Variants in NCAM1 observed in about 807,000 individuals in gnomAD.
NCAM1 encodes antigen recognized by monoclonal antibody 5.1H11.
In NCAM1, 14 loss-of-function variants were observed where a neutral mutation model predicts 109.8. The ratio of observed to expected loss-of-function variants is 0.13; its 90% CI spans 0.08 to 0.20. The LOEUF (loss-of-function observed/expected upper bound fraction) is 0.20. Ranked by LOEUF, NCAM1 falls within the 10% of genes least tolerant of loss-of-function variation. The probability of loss-of-function intolerance (pLI) is 1.00; values close to 1 mark genes in which losing one functional copy is unlikely to be tolerated. For synonymous variants in NCAM1, 418 were observed against 442.9 expected (o/e 0.94, Z 0.70); for missense variants, 774 against 1,109.9 (o/e 0.70, Z 4.30).
intron 1 of NCAM1, among the ~76,000 whole-genome samples, chr11:113,177,839 G>A (rs778723634): frequency 6.6e-6 from 1 of 152,002 alleles, no homozygotes; most frequent in Admixed American, 6.5e-5. Flanking sequence ...CCAGCACTCC[G>A]TTTCTGCTTT....
At chr11:113,231,819 C>G (rs781936879) in intron 10 of NCAM1, 24 bp downstream of exon 10, 48 of 1,613,416 alleles carry the variant, frequency 3.0e-5, no homozygotes, top group Admixed American at 2.2e-4. Context: ...GGGGAAGGAC[C>G]TGGGGGAGGG....
intron 1 of NCAM1, among the ~76,000 whole-genome samples, chr11:112,974,764 G>A (rs1299060345): frequency 6.6e-6 from 1 of 151,742 alleles, no homozygotes; most frequent in Non-Finnish European, 1.5e-5. Context: ...GGTGAGGGGA[G>A]TATGGGAGAA....
intron 1 of NCAM1, among the ~76,000 whole-genome samples, chr11:113,023,862 T>C (rs1466934350): frequency 4.0e-5 from 6 of 151,402 alleles, no homozygotes; most frequent in Non-Finnish European, 7.4e-5. Context: ...TCTCCCTCAT[T>C]GGGGGTCAAT....
At chr11:113,149,221 G>A (rs1942133352) in intron 1 of NCAM1, among the ~76,000 whole-genome samples, 1 of 152,188 alleles carries the variant, frequency 6.6e-6, no homozygotes. Context: ...AGACAAGGGT[G>A]CACATTCCCA....
chr11:113,185,070 A>T (rs28534772), intron 1 of NCAM1, among the ~76,000 whole-genome samples: 5 of 133,088 alleles, frequency 3.8e-5, no homozygotes, highest in African/African-American at 1.5e-4. Context: ...ATTTATATTT[A>T]TATATATATA....
intron 1 of NCAM1, among the ~76,000 whole-genome samples, chr11:113,017,088 C>T (rs782660639): frequency 1.3e-5 from 2 of 152,110 alleles, no homozygotes; most frequent in Non-Finnish European, 2.9e-5. Flanking sequence ...GTTGCAACAA[C>T]CTATGAATCA....
chr11:113,013,666 T>C (rs1472092145), intron 1 of NCAM1, among the ~76,000 whole-genome samples: 1 of 152,148 alleles, frequency 6.6e-6, no homozygotes, highest in Non-Finnish European at 1.5e-5. Flanking sequence ...CTCAGGATTT[T>C]AGTTTCTTGC....
intron 8 of NCAM1, among the ~76,000 whole-genome samples, chr11:113,218,185 C>T (rs1345512095): frequency 8.5e-5 from 13 of 152,222 alleles, no homozygotes; most frequent in African/African-American, 3.1e-4. Flanking sequence ...GCTGTTGCTT[C>T]CAACCTTGTA....
chr11:112,965,929 G>T (rs960856404), intron 1 of NCAM1, among the ~76,000 whole-genome samples: 17 of 152,138 alleles, frequency 1.1e-4, no homozygotes, highest in Admixed American at 1.1e-3. Context: ...AGAAGGGATC[G>T]CACCTGCCCC....
intron 1 of NCAM1, among the ~76,000 whole-genome samples, chr11:113,108,766 T>G (rs1201481504): frequency 2.1e-5 from 3 of 146,330 alleles, no homozygotes; most frequent in Non-Finnish European, 4.5e-5. Flanking sequence ...ATACATCCCT[T>G]GAAGGTTTTT....
In NCAM1 at chr11:113,214,305, C is replaced by T. The variant is rs1305617210; in HGVS notation, c.917-64C>T. ...CTAACCTTTGTTGGATAGGTGCATG[C>T]CATCATTTAAACCCAGAAAGCTCAA... On this transcript the variant is annotated intron_variant, in intron 7 of 19. Coordinates refer to ENST00000316851, the MANE Select transcript of NCAM1 (RefSeq NM_181351.5). 4.5e-6 allele frequency: 7 copies of T among 1,552,496 alleles called. No homozygotes were observed. The East Asian group carries it at 1.6e-4, about 35-fold the overall frequency.
intron 1 of NCAM1, among the ~76,000 whole-genome samples, chr11:113,040,572 C>CTG (rs1185213959): frequency 6.6e-6 from 1 of 152,198 alleles, no homozygotes; most frequent in East Asian, 1.9e-4. Context: ...GACTTGCATG[C>CTG]TGTAGTTTGT....
intron 1 of NCAM1, among the ~76,000 whole-genome samples, chr11:112,981,458 A>G (rs1400464547): frequency 6.6e-6 from 1 of 151,934 alleles, no homozygotes; most frequent in Non-Finnish European, 1.5e-5. Context: ...TGGTTACATA[A>G]TTCTTAGATG....
intron 1 of NCAM1, among the ~76,000 whole-genome samples, chr11:113,112,205 T>A (rs183792604): frequency 6.6e-6 from 1 of 152,336 alleles, no homozygotes; most frequent in East Asian, 1.9e-4. Flanking sequence ...AAGTTCTTTT[T>A]ACCTGATGTT....
At chr11:113,179,142 A>G (rs1943256363) in intron 1 of NCAM1, among the ~76,000 whole-genome samples, 1 of 152,216 alleles carries the variant, frequency 6.6e-6, no homozygotes, top group South Asian at 2.1e-4. Context: ...CCCACCACCA[A>G]AAGCCTTTTG....
chr11:112,974,856 T>G (rs1555067408), intron 1 of NCAM1, among the ~76,000 whole-genome samples: 1 of 151,744 alleles, frequency 6.6e-6, no homozygotes, highest in Non-Finnish European at 1.5e-5. Flanking sequence ...TGTGTTTGAA[T>G]TAGTGGTATC....
chr11:113,185,114 A>G (rs1943470762), intron 1 of NCAM1, among the ~76,000 whole-genome samples: 1 of 146,638 alleles, frequency 6.8e-6, no homozygotes, highest in Admixed American at 6.9e-5. Flanking sequence ...AGAGAGAGAG[A>G]TTTATTATAA....
rs1944471619 is a variant in NCAM1 at position 113,214,501 on chromosome 11, G to A, written c.1049G>A (p.Ser350Asn). Reference sequence around the variant, plus strand: ...AGGACTTCTACCCGGAACATCAGCAGCGAAGAAAAGGTATCATGCTCCCCA... The same window carrying A: ...AGGACTTCTACCCGGAACATCAGCAACGAAGAAAAGGTATCATGCTCCCCA... ...TWRTSTRNIS[S>N]EEKASWTRPE... is the part of the protein sequence containing the mutation. Residue 350 changes from serine to asparagine, a missense_variant, in exon 8 of 20, where the codon AGC becomes AAC. Coordinates refer to ENST00000316851, the MANE Select transcript of NCAM1 (RefSeq NM_181351.5). The A allele has an allele frequency of 6.2e-7, 1 of 1,607,478 alleles. No homozygotes were observed. Among genetic ancestry groups the A allele is most frequent in the Non-Finnish European group, 8.5e-7 (1 of 1,176,812 alleles).
chr11:113,093,814 A>T (rs1057425825), intron 1 of NCAM1, among the ~76,000 whole-genome samples: 5 of 152,166 alleles, frequency 3.3e-5, no homozygotes, highest in Non-Finnish European at 7.4e-5. Flanking sequence ...TCCTCTGCAG[A>T]CTGGTGGAAG....
Sources: allele counts gnomAD v4.1 joint callset (sites outside exome capture counted in the v4.1 genomes callset), GRCh38; gene constraint gnomAD v4.1.1; transcripts MANE v1.5; gene names NCBI Gene and HGNC (gene_info 2026-07-23, HGNC 2026-07-21).